IRAG1: variants seen among roughly 807,000 people sequenced by gnomAD.
IRAG1 encodes the protein IP3R-associated cGMP kinase substrate.
In IRAG1, 62 loss-of-function variants were observed where a neutral mutation model predicts 106.2. The ratio of observed to expected loss-of-function variants is 0.58; its 90% CI spans 0.48 to 0.72. The LOEUF is 0.72. IRAG1 is among the 30% of genes least tolerant of loss of function. The pLI is 0.00. For synonymous variants in IRAG1, 462 were observed against 443.9 expected (o/e 1.04, Z -0.51); for missense variants, 1,064 against 1,140.7 (o/e 0.93, Z 0.97).
rs549504628 is a variant in IRAG1 at position 10,638,756 on chromosome 11, T to C, written c.226-4685A>G. Among the ~76,000 whole-genome samples the C allele has an allele frequency of 2.0e-5, 3 of 152,304 alleles. No homozygotes were observed. The South Asian group carries it at 6.2e-4, about 32-fold the overall frequency. On this transcript the variant is annotated intron_variant, in intron 2 of 20. Transcript: ENST00000423302. ...AATTCCTGGCATGCATTGATGAGGA[T>C]AAGCTGTGTCTATTTAAAGGGGCAG...
intron 2 of IRAG1, among the ~76,000 whole-genome samples, chr11:10,646,424 C>T (rs1857948802): frequency 1.3e-5 from 2 of 152,182 alleles, no homozygotes; most frequent in African/African-American, 2.4e-5. Flanking sequence ...GTCATTTAAT[C>T]ATCTAGCCAG....
At chr11:10,598,587 T>C (rs1389489944) in intron 15 of IRAG1, among the ~76,000 whole-genome samples, 2 of 152,184 alleles carry the variant, frequency 1.3e-5, no homozygotes, top group African/African-American at 2.4e-5. Context: ...CAAGACACAA[T>C]TGTGGCCTAT....
chr11:10,621,503 C>T (rs1855832303), intron 10 of IRAG1, among the ~76,000 whole-genome samples: 1 of 152,202 alleles, frequency 6.6e-6, no homozygotes, highest in Non-Finnish European at 1.5e-5. Context: ...CCTTCTATCC[C>T]CTTCAACCAG....
chr11:10,670,100 G>C (rs1347685548), intron 1 of IRAG1, among the ~76,000 whole-genome samples: 2 of 152,240 alleles, frequency 1.3e-5, no homozygotes, highest in African/African-American at 2.4e-5. Context: ...TTTGGCTTTT[G>C]CAAGAATTGC....
chr11:10,589,550 A>G (rs1383783284), intron 18 of IRAG1, among the ~76,000 whole-genome samples: 1 of 152,104 alleles, frequency 6.6e-6, no homozygotes, highest in African/African-American at 2.4e-5. Flanking sequence ...CACAGGTGTG[A>G]GCCACCGTGC....
chr11:10,608,540 C>T (rs1303384149), intron 11 of IRAG1, among the ~76,000 whole-genome samples: 1 of 152,118 alleles, frequency 6.6e-6, no homozygotes, highest in Non-Finnish European at 1.5e-5. Flanking sequence ...GTGTCTGATG[C>T]AGATAACTGT....
chr11:10,593,120 G>A (rs1358249599), intron 17 of IRAG1: 1 of 157,058 alleles, frequency 6.4e-6, no homozygotes, highest in African/African-American at 2.4e-5. Context: ...TGGAATCAGA[G>A]AACCTAGGGT....
intron 18 of IRAG1, among the ~76,000 whole-genome samples, chr11:10,586,782 G>A (rs1005376048): frequency 5.3e-5 from 8 of 152,262 alleles, no homozygotes; most frequent in African/African-American, 1.7e-4. Context: ...AGGCATTGAT[G>A]TATGTTTTAG....
chr11:10,630,096 GA>G (rs1856572101), intron 4 of IRAG1: 1 of 164,728 alleles, frequency 6.1e-6, no homozygotes, highest in Admixed American at 6.0e-5. Flanking sequence ...ATAAAAGAAG[GA>G]GACCAAAGAT....
chr11:10,634,046 C>A lies in IRAG1; in HGVS notation c.251G>T (p.Cys84Phe). The change falls in exon 3 of 21, where the codon TGC (cysteine) becomes TTC (phenylalanine). Residue 84 changes from cysteine to phenylalanine, a missense_variant. Physicochemically the swap from Cys to Phe is radical, Grantham distance 205. Coordinates refer to ENST00000423302, the MANE Select transcript of IRAG1 (RefSeq NM_130385.4). ...CAGGACAATCGTGGGAGTTGGACTG[C>A]AAGATACTCCTGCGGCAGGAGGACC... ...GQGPPAAGVS[C>F]SPTPTIVLTG... 1 of 1,611,538 alleles carries A rather than the reference C, an allele frequency of 6.2e-7. No individual in the cohort carries two copies. The highest frequency in any genetic ancestry group is 8.5e-7 in the Non-Finnish European group (1 of 1,178,602).
At chr11:10,676,944 TCA>T (rs1385686208) in intron 1 of IRAG1, among the ~76,000 whole-genome samples, 1 of 152,206 alleles carries the variant, frequency 6.6e-6, no homozygotes, top group Non-Finnish European at 1.5e-5. Flanking sequence ...CTCCCTGTCC[TCA>T]GTCTCTCGTT....
intron 1 of IRAG1, among the ~76,000 whole-genome samples, chr11:10,686,850 C>T (rs1322181064): frequency 6.6e-6 from 1 of 152,210 alleles, no homozygotes; most frequent in East Asian, 1.9e-4. Context: ...GTGCCTGGCA[C>T]ATACAAACTT....
At chr11:10,581,125 AC>A (rs1851344784) in intron 19 of IRAG1, among the ~76,000 whole-genome samples, 1 of 151,972 alleles carries the variant, frequency 6.6e-6, no homozygotes, top group Non-Finnish European at 1.5e-5. Flanking sequence ...TCAAAGAGAA[AC>A]CCTTGTGGTT....
chr11:10,604,403 A>G lies in IRAG1; in HGVS notation c.1743+2T>C. The G allele has an allele frequency of 6.2e-7, 1 of 1,613,948 alleles. No individual in the cohort carries two copies. On this transcript the variant is annotated splice_donor_variant, in intron 13 of 20. Transcript: ENST00000423302. LOFTEE classifies it high-confidence loss of function. The stretch of plus-strand genomic sequence containing the variant: ...ATTCCTCACATCAGGCTCCACAATT[A>G]CCGTAATGGAAGCTTTGAAGTTTTC...
At chr11:10,632,190 CT>C (rs35138815) in intron 3 of IRAG1, 129 bp from the exon 4 acceptor site, 242,428 of 558,064 alleles carry the variant, frequency 0.43, 21,278 homozygotes, top group East Asian at 0.51. Context: ...TTCTTTCTTT[CT>C]TTTTTTTTTT....
At position 10,632,011 on chromosome 11, in the gene IRAG1, G is replaced by C. The variant is rs748404860; in HGVS notation, c.380C>G (p.Thr127Ser). 1 of 1,613,796 alleles carries C rather than the reference G, an allele frequency of 6.2e-7. No homozygotes were observed. Among genetic ancestry groups the C allele is most frequent in the East Asian group, 2.2e-5 (1 of 44,878 alleles). The change falls in exon 4 of 21, where the codon ACT (threonine) becomes AGT (serine). Residue 127 changes from threonine to serine, a missense_variant. Thr to Ser is a moderately conservative substitution (Grantham distance 58). Coordinates refer to ENST00000423302, the MANE Select transcript of IRAG1 (RefSeq NM_130385.4). ...RLSHRHLKVS[T>S]ASLTSVDPAG... is the part of the protein sequence containing the mutation. Reference sequence around the variant, plus strand: ...CTTACCCACAGATGTCAGGGAGGCAGTGGACACCTTCAAGTGTCGGTGAGA... The same window carrying C: ...CTTACCCACAGATGTCAGGGAGGCACTGGACACCTTCAAGTGTCGGTGAGA...
intron 10 of IRAG1, among the ~76,000 whole-genome samples, chr11:10,612,389 A>C (rs1383054561): frequency 6.6e-6 from 1 of 152,188 alleles, no homozygotes; most frequent in East Asian, 1.9e-4. Flanking sequence ...AGAAGAAACC[A>C]ATTCTACAAA....
Position 10,621,551 on chromosome 11 carries a change from C to G in IRAG1, c.1447+2227G>C, listed in dbSNP as rs1020789988. Among the ~76,000 whole-genome samples the G allele has an allele frequency of 3.9e-5, 6 of 152,206 alleles. No individual in the cohort carries two copies. In the East Asian group the frequency reaches 1.2e-3, roughly 29 times the overall value. ...TGCATCTCCCCAACACGCTGGCCTC[C>G]TACAGATCAGCTTGTCTGAAATGTT... On this transcript the variant is annotated intron_variant, in intron 10 of 20. Coordinates refer to ENST00000423302, the MANE Select transcript of IRAG1 (RefSeq NM_130385.4).
At chr11:10,653,760 G>A (rs984957428) in intron 1 of IRAG1, among the ~76,000 whole-genome samples, 3 of 152,156 alleles carry the variant, frequency 2.0e-5, no homozygotes, top group Non-Finnish European at 2.9e-5. Context: ...CCACCTGCAC[G>A]GGGGTCTGCA....
Sources: allele counts gnomAD v4.1 joint callset (sites outside exome capture counted in the v4.1 genomes callset), GRCh38; gene constraint gnomAD v4.1.1; transcripts MANE v1.5; gene names NCBI Gene and HGNC (gene_info 2026-07-23, HGNC 2026-07-21).